Variants in MGMT observed in about 807,000 individuals in gnomAD.
The protein encoded by MGMT is O-6-methylguanine-DNA methyltransferase.
MGMT carries 14 observed loss-of-function variants against 15.9 expected under a neutral mutation model. That is an observed-to-expected ratio of 0.88 (90% CI 0.58 to 1.37). The LOEUF is 1.37. MGMT is among the 40% of genes most tolerant of loss of function. The pLI is 0.00. For missense variants in MGMT, 282 were observed against 268.1 expected (o/e 1.05, Z -0.36); for synonymous variants, 130 against 118.2 (o/e 1.10, Z -0.65).
rs533138977 is a variant in MGMT, at chr10:129,760,258, T to G, written c.414+917T>G. On this transcript the variant is annotated intron_variant, in intron 4 of 4. Coordinates refer to ENST00000651593, the MANE Select transcript of MGMT (RefSeq NM_002412.5). ...CCAAGGCCACACGTGCCTGTGTGTG[T>G]GGGGGCAGAAAGGGTGCCCCGTCTG... Among the ~76,000 whole-genome samples, 27 of 152,320 alleles carry G rather than the reference T, an allele frequency of 1.8e-4. No individual in the cohort carries two copies. In the East Asian group the frequency reaches 4.3e-3, roughly 24 times the overall value.
intron 2 of MGMT, among the ~76,000 whole-genome samples, chr10:129,662,814 G>A (rs950582553): frequency 6.6e-6 from 1 of 152,140 alleles, no homozygotes; most frequent in Non-Finnish European, 1.5e-5. Flanking sequence ...GGCTAAAAAG[G>A]CATTATAAGA....
chr10:129,695,978 G>C (rs1364113543), intron 2 of MGMT, among the ~76,000 whole-genome samples: 1 of 152,188 alleles, frequency 6.6e-6, no homozygotes, highest in Non-Finnish European at 1.5e-5. Context: ...TTTCCCAGGA[G>C]TGGCTTTGTC....
chr10:129,602,519 C>A (rs1210339028), intron 2 of MGMT, among the ~76,000 whole-genome samples: 5 of 152,144 alleles, frequency 3.3e-5, no homozygotes, highest in East Asian at 3.9e-4. Flanking sequence ...TGTGAACTTA[C>A]AAATCTGTGT....
rs147078884 is a variant in MGMT at position 129,704,204 on chromosome 10, C to G, written c.126-3691C>G. ...ATAATATTTAAGCCAAGCAGAAGTT[C>G]TCCTTTCCGTGGCCAGACCTCACTA... is the stretch of plus-strand genomic sequence containing the variant. On this transcript the variant is annotated intron_variant, in intron 2 of 4. Transcript: ENST00000651593. Among the ~76,000 whole-genome samples, 309 of 152,212 alleles carry G rather than the reference C, an allele frequency of 2.0e-3. 3 individuals carry two copies. The highest frequency in any genetic ancestry group is 7.1e-3 in the African/African-American group (293 of 41,532).
intron 3 of MGMT, among the ~76,000 whole-genome samples, chr10:129,755,626 T>G (rs1418097277): frequency 6.6e-6 from 1 of 152,174 alleles, no homozygotes; most frequent in Non-Finnish European, 1.5e-5. Flanking sequence ...GAAAGGAGAC[T>G]CCTCCTCAAG....
chr10:129,618,592 TCA>T (rs1847055452), intron 2 of MGMT, among the ~76,000 whole-genome samples: 1 of 152,092 alleles, frequency 6.6e-6, no homozygotes, highest in Non-Finnish European at 1.5e-5. Flanking sequence ...CAGAGATATT[TCA>T]CAGTTTTGAG....
At chr10:129,572,146 G>A (rs374514877) in intron 2 of MGMT, among the ~76,000 whole-genome samples, 28 of 152,214 alleles carry the variant, frequency 1.8e-4, no homozygotes, top group East Asian at 9.7e-4. Flanking sequence ...TGCAGATATG[G>A]GAGTTTTAAA....
Position 129,642,060 on chromosome 10 carries a change from A to G in MGMT, c.126-65835A>G, listed in dbSNP as rs537123101. ...TTGAAGAATAGTACCTTCAACAGAC[A>G]CAGAGAACCCTTGTTGGACAGCAAC... On this transcript the variant is annotated intron_variant, in intron 2 of 4. Transcript: ENST00000651593. Among the ~76,000 whole-genome samples, 4 of 152,338 alleles carry G rather than the reference A, an allele frequency of 2.6e-5. No individual in the cohort carries two copies. The East Asian group carries it at 7.7e-4, about 29-fold the overall frequency.
At chr10:129,753,347 C>A (rs1848770180) in intron 3 of MGMT, among the ~76,000 whole-genome samples, 3 of 152,140 alleles carry the variant, frequency 2.0e-5, no homozygotes, top group Admixed American at 6.5e-5. Flanking sequence ...CATCTTAAAT[C>A]TACAGTTGTG....
chr10:129,587,386 C>A (rs1290485564), intron 2 of MGMT, among the ~76,000 whole-genome samples: 4 of 147,530 alleles, frequency 2.7e-5, no homozygotes, highest in African/African-American at 5.0e-5. Flanking sequence ...CTAATCTTTT[C>A]TTCTGCAATG....
intron 2 of MGMT, among the ~76,000 whole-genome samples, chr10:129,621,732 T>A (rs1181680447): frequency 6.6e-6 from 1 of 152,218 alleles, no homozygotes; most frequent in Non-Finnish European, 1.5e-5. Flanking sequence ...ACTTTGATTG[T>A]TTGTTGAACA....
intron 2 of MGMT, among the ~76,000 whole-genome samples, chr10:129,653,657 G>A (rs771668420): frequency 2.6e-5 from 4 of 152,218 alleles, no homozygotes; most frequent in Non-Finnish European, 4.4e-5. Flanking sequence ...GTCTCAGGCA[G>A]CTTGCAAGAT....
intron 4 of MGMT, among the ~76,000 whole-genome samples, chr10:129,766,569 C>T (rs1366169429): frequency 6.6e-6 from 1 of 152,220 alleles, no homozygotes; most frequent in Non-Finnish European, 1.5e-5. Flanking sequence ...CTCGTCCCTC[C>T]CCCAACCCGT....
intron 2 of MGMT, among the ~76,000 whole-genome samples, chr10:129,554,480 G>A (rs1008775572): frequency 6.6e-6 from 1 of 152,166 alleles, no homozygotes; most frequent in African/African-American, 2.4e-5. Flanking sequence ...TTGCGTGGTT[G>A]TACGTGGTGG....
Position 129,642,407 on chromosome 10 carries a change from T to C in MGMT, c.126-65488T>C, listed in dbSNP as rs150941261. Reference sequence around the variant, plus strand: ...CAGGAATCTTTATAACCAAGGAGAATCCTTACTGTAAACATTCCACCTGAA... The same window carrying C: ...CAGGAATCTTTATAACCAAGGAGAACCCTTACTGTAAACATTCCACCTGAA... On this transcript the variant is annotated intron_variant, in intron 2 of 4. Coordinates refer to ENST00000651593, the MANE Select transcript of MGMT (RefSeq NM_002412.5). Among the ~76,000 whole-genome samples the C allele has an allele frequency of 9.8e-3, 1,494 of 152,088 alleles. 15 individuals carry two copies. The highest frequency in any genetic ancestry group is 0.015 in the Non-Finnish European group (1,011 of 67,980).
At chr10:129,724,271 C>T (rs961696095) in intron 3 of MGMT, among the ~76,000 whole-genome samples, 2 of 152,108 alleles carry the variant, frequency 1.3e-5, no homozygotes, top group African/African-American at 4.8e-5. Flanking sequence ...TCATGCTGAG[C>T]TTAAGGAGCC....
chr10:129,646,984 T>G (rs1277316982), intron 2 of MGMT, among the ~76,000 whole-genome samples: 1 of 151,708 alleles, frequency 6.6e-6, no homozygotes, highest in African/African-American at 2.4e-5. Context: ...TGATTAGACC[T>G]GAGAAGAGGA....
chr10:129,669,485 C>T (rs1029641294), intron 2 of MGMT, among the ~76,000 whole-genome samples: 1 of 152,162 alleles, frequency 6.6e-6, no homozygotes, highest in Admixed American at 6.5e-5. Context: ...CACAGACATA[C>T]AATTTTATTT....
chr10:129,681,601 AAC>A (rs1166621963), intron 2 of MGMT, among the ~76,000 whole-genome samples: 1 of 152,240 alleles, frequency 6.6e-6, no homozygotes, highest in Non-Finnish European at 1.5e-5. Flanking sequence ...ACCTTTGAAC[AAC>A]ACAGACTTGA....
Sources: allele counts gnomAD v4.1 joint callset (sites outside exome capture counted in the v4.1 genomes callset), GRCh38; gene constraint gnomAD v4.1.1; transcripts MANE v1.5; gene names NCBI Gene and HGNC (gene_info 2026-07-23, HGNC 2026-07-21).